The following SCG3 variants were observed in gnomAD, a reference collection of about 807,000 sequenced individuals.
The protein encoded by SCG3 is secretogranin-3.
In SCG3, 38 loss-of-function variants were observed where a neutral mutation model predicts 56.2. The ratio of observed to expected loss-of-function variants is 0.68; its 90% CI spans 0.52 to 0.89. The LOEUF (loss-of-function observed/expected upper bound fraction) is 0.89, where lower values mean the gene tolerates loss of function less well. SCG3 is among the 40% of genes least tolerant of loss of function. The probability of loss-of-function intolerance (pLI) is 0.00; values close to 1 mark genes in which losing one functional copy is unlikely to be tolerated. For synonymous variants in SCG3, 176 were observed against 184.2 expected (o/e 0.96, Z 0.36); for missense variants, 524 against 540.7 (o/e 0.97, Z 0.31).
chr15:51,709,478 T>C (rs2055397749), intron 10 of SCG3, among the ~76,000 whole-genome samples: 2 of 151,660 alleles, frequency 1.3e-5, no homozygotes, highest in Middle Eastern at 3.2e-3. Flanking sequence ...ATTTAATTAA[T>C]AGAATTCTAT....
intron 6 of SCG3, among the ~76,000 whole-genome samples, chr15:51,691,337 A>AG (rs2055265786): frequency 2.0e-5 from 3 of 152,240 alleles, no homozygotes; most frequent in African/African-American, 4.8e-5. Context: ...CCCCTGAAGA[A>AG]TTTTAAGCAA....
chr15:51,699,789 G>A (rs1346346469), intron 9 of SCG3, among the ~76,000 whole-genome samples: 2 of 151,870 alleles, frequency 1.3e-5, no homozygotes, highest in Admixed American at 6.6e-5. Flanking sequence ...CCCACTGCCC[G>A]CCTCCCGCTC....
intron 4 of SCG3, among the ~76,000 whole-genome samples, chr15:51,687,733 T>C (rs1253022497): frequency 6.6e-6 from 1 of 152,232 alleles, no homozygotes; most frequent in African/African-American, 2.4e-5. Context: ...ATATTTATTT[T>C]AGGTGAGTCA....
intron 7 of SCG3, among the ~76,000 whole-genome samples, chr15:51,695,254 GTTC>G (rs138589018): frequency 0.056 from 8,523 of 152,100 alleles, 758 homozygotes; most frequent in African/African-American, 0.19. Context: ...AACTATATAT[GTTC>G]TTATTTTCAA....
At chr15:51,704,278 T>A (rs57810469) in intron 10 of SCG3, among the ~76,000 whole-genome samples, 4,516 of 131,246 alleles carry the variant, frequency 0.034, 173 homozygotes, top group African/African-American at 0.093. Context: ...TATATATATA[T>A]AAAATAGCTC....
chr15:51,693,172 A>G (rs1175448009), intron 7 of SCG3: 1 of 152,178 alleles, frequency 6.6e-6, no homozygotes, highest in African/African-American at 2.4e-5. Context: ...TTTTATTAGC[A>G]TACATGTTGT....
intron 4 of SCG3, among the ~76,000 whole-genome samples, chr15:51,686,628 G>T (rs10519320): frequency 0.021 from 3,203 of 152,186 alleles, 91 homozygotes; most frequent in East Asian, 0.094. Context: ...CTCTGCTCCT[G>T]AAAAATAGAT....
chr15:51,682,477 A>C (rs1230429919), intron 1 of SCG3, 40 bp from the exon 2 acceptor site: 3 of 1,106,260 alleles, frequency 2.7e-6, no homozygotes, highest in Non-Finnish European at 3.9e-6. Flanking sequence ...TTTGTCCTTC[A>C]ACGCACAATT....
At chr15:51,706,766 G>A (rs554048800) in intron 10 of SCG3, among the ~76,000 whole-genome samples, 20 of 151,988 alleles carry the variant, frequency 1.3e-4, no homozygotes, top group African/African-American at 4.1e-4. Context: ...CTCATTTCAA[G>A]CTTAATGTAA....
chr15:51,705,948 T>C (rs1218553370), intron 10 of SCG3, among the ~76,000 whole-genome samples: 3 of 152,172 alleles, frequency 2.0e-5, no homozygotes, highest in Non-Finnish European at 4.4e-5. Context: ...CTGAACCCAT[T>C]ACTCTGGGAT....
At chr15:51,689,863 T>G (rs1481564536) in intron 6 of SCG3, among the ~76,000 whole-genome samples, 2 of 152,126 alleles carry the variant, frequency 1.3e-5, no homozygotes, top group African/African-American at 4.8e-5. Context: ...ATAAATGATC[T>G]CTACTCTGAA....
At chr15:51,703,160 T>C (rs1696934867) in intron 10 of SCG3, among the ~76,000 whole-genome samples, 1 of 152,216 alleles carries the variant, frequency 6.6e-6, no homozygotes, top group South Asian at 2.1e-4. Flanking sequence ...TATGATGTGA[T>C]ATGAGATCAC....
At chr15:51,693,088 T>C (rs1252539692) in intron 7 of SCG3, 1 of 152,182 alleles carries the variant, frequency 6.6e-6, no homozygotes, top group Non-Finnish European at 1.5e-5. Flanking sequence ...ACTCTCTTCT[T>C]CGATGAGTTT....
At chr15:51,708,710 T>C (rs922743228) in intron 10 of SCG3, among the ~76,000 whole-genome samples, 4 of 151,990 alleles carry the variant, frequency 2.6e-5, no homozygotes, top group African/African-American at 9.7e-5. Flanking sequence ...CAAAAAAAAT[T>C]AGCTGGACAA....
chr15:51,694,332 G>A (rs774006549), intron 7 of SCG3, among the ~76,000 whole-genome samples: 37 of 151,360 alleles, frequency 2.4e-4, no homozygotes, highest in Admixed American at 1.1e-3. Flanking sequence ...CTACTCCTCC[G>A]TCTAGATCTT....
chr15:51,684,307 G>T (rs147174072), intron 4 of SCG3, among the ~76,000 whole-genome samples: 1 of 152,060 alleles, frequency 6.6e-6, no homozygotes, highest in Non-Finnish European at 1.5e-5. Context: ...CAACCACTCC[G>T]CCTCTCCCCA....
intron 10 of SCG3, among the ~76,000 whole-genome samples, chr15:51,704,858 G>C (rs934814002): frequency 7.0e-6 from 1 of 142,312 alleles, no homozygotes; most frequent in Non-Finnish European, 1.5e-5. Flanking sequence ...GGAATTGCTG[G>C]ATCATATGCT....
At position 51,720,225 on chromosome 15, in the gene SCG3, T is replaced by C. The variant is rs1791070728; in HGVS notation, c.*699T>C. 6.6e-6 allele frequency: 1 copy of C among 152,240 alleles called. No individual in the cohort carries two copies. 9.4% of individuals were successfully genotyped at this position (152,240 alleles called of 1,614,324 possible). On this transcript the variant is annotated 3_prime_UTR_variant, in exon 12 of 12. Coordinates refer to ENST00000220478, the MANE Select transcript of SCG3 (RefSeq NM_013243.4). ...CTCTCTAAGAAGACAAATGAGGTCATAAACACTGCATAAAGCAAGGCAAAA... is the reference window on the plus strand; with the variant it reads ...CTCTCTAAGAAGACAAATGAGGTCACAAACACTGCATAAAGCAAGGCAAAA...
Position 51,682,532 on chromosome 15 carries a change from A to C in SCG3, c.98A>C (p.Asn33Thr), listed in dbSNP as rs1425901027. The change falls in exon 2 of 12, where the codon AAT becomes ACT. Residue 33 changes from asparagine to threonine, a missense_variant. Asn to Thr is a moderately conservative substitution (Grantham distance 65, BLOSUM62 0). Transcript: ENST00000220478. ...TTTATTCTAGACAAATCTCTACATA[A>C]TAGAGAATTAAGTGCAGAAAGACCT... ...PGGSQDKSLHNRELSAERPLN... is the reference protein window; with the variant it reads ...PGGSQDKSLHTRELSAERPLN... 6.9e-7 allele frequency: 1 copy of C among 1,448,910 alleles called. No homozygotes were observed. Among genetic ancestry groups the C allele is most frequent in the African/African-American group, 1.5e-5 (1 of 66,930 alleles). 89.8% of individuals were successfully genotyped at this position (1,448,910 alleles called of 1,614,324 possible).
Sources: gnomAD v4.1 joint callset for allele counts (sites outside exome capture counted in the v4.1 genomes callset) on GRCh38, gnomAD v4.1.1 for gene constraint, MANE v1.5 for transcripts, NCBI Gene and HGNC (gene_info 2026-07-23, HGNC 2026-07-21) for gene names.